Variants in ULK4 observed in about 807,000 individuals in gnomAD.
The protein encoded by ULK4 is inactive serine/threonine-protein kinase ULK4.
ULK4 carries 133 observed loss-of-function variants against 160.6 expected under a neutral mutation model. That is an observed-to-expected ratio of 0.83 (90% CI 0.72 to 0.96). The LOEUF (loss-of-function observed/expected upper bound fraction) is 0.96, where lower values mean the gene tolerates loss of function less well. ULK4 is among the 40% of genes least tolerant of loss of function. ULK4 has a pLI of 0.00. For missense variants in ULK4, 1,580 were observed against 1,499.5 expected (o/e 1.05, Z -0.89); for synonymous variants, 534 against 539.8 (o/e 0.99, Z 0.15).
At chr3:41,304,809 C>T (rs911243545) in intron 35 of ULK4, among the ~76,000 whole-genome samples, 1 of 152,226 alleles carries the variant, frequency 6.6e-6, no homozygotes, top group African/African-American at 2.4e-5. Flanking sequence ...CTCATCAACT[C>T]TTGCTTCTAT....
rs767699535 is a variant in ULK4, at chr3:41,919,707, A to T, written c.643+10T>A. The T allele has an allele frequency of 8.7e-6, 14 of 1,608,254 alleles. No homozygotes were observed. In the African/African-American group the frequency reaches 1.7e-4, roughly 20 times the overall value. On this transcript the variant is annotated intron_variant, in intron 6 of 36. Transcript: ENST00000301831. ...AGCTCTGATTTTATACCTATTCAGGAAACAATTACCTGAAAACATTTCATA... is the reference window on the plus strand; with the variant it reads ...AGCTCTGATTTTATACCTATTCAGGTAACAATTACCTGAAAACATTTCATA...
chr3:41,938,585 G>C (rs1251449271), intron 2 of ULK4, among the ~76,000 whole-genome samples: 1 of 152,158 alleles, frequency 6.6e-6, no homozygotes, highest in Non-Finnish European at 1.5e-5. Flanking sequence ...AGGAGACTAA[G>C]GCAGGAGAAT....
At chr3:41,512,227 G>A (rs564997318) in intron 32 of ULK4, among the ~76,000 whole-genome samples, 7 of 152,146 alleles carry the variant, frequency 4.6e-5, no homozygotes, top group African/African-American at 1.7e-4. Context: ...AACAAGACAA[G>A]GATCCCCACT....
At chr3:41,608,292 C>T (rs2032486329) in intron 31 of ULK4, among the ~76,000 whole-genome samples, 1 of 152,070 alleles carries the variant, frequency 6.6e-6, no homozygotes, top group Non-Finnish European at 1.5e-5. Flanking sequence ...CTTTTTCTTG[C>T]TCATCCAAAA....
At chr3:41,878,075 T>C (rs199609925) in intron 17 of ULK4, among the ~76,000 whole-genome samples, 1 of 123,138 alleles carries the variant, frequency 8.1e-6, no homozygotes, top group East Asian at 2.4e-4. Context: ...TGAAAAGCTC[T>C]ACCAGGAAAA....
At chr3:41,298,811 T>C (rs1000328760) in intron 35 of ULK4, among the ~76,000 whole-genome samples, 4 of 152,224 alleles carry the variant, frequency 2.6e-5, no homozygotes, top group African/African-American at 4.8e-5. Context: ...GGATGCACAC[T>C]GGTGTGTACT....
At chr3:41,730,803 GGCC>G in intron 22 of ULK4, among the ~76,000 whole-genome samples, 1 of 152,206 alleles carries the variant, frequency 6.6e-6, no homozygotes, top group East Asian at 1.9e-4. Context: ...GGAAATTACA[GGCC>G]AATATCCTTG....
intron 34 of ULK4, among the ~76,000 whole-genome samples, chr3:41,418,245 T>C (rs1334431969): frequency 6.6e-6 from 1 of 151,332 alleles, no homozygotes; most frequent in African/African-American, 2.4e-5. Flanking sequence ...CTACTGTTGA[T>C]TGGAGGCCTT....
chr3:41,705,375 A>G (rs1201441918), intron 25 of ULK4, 70 bp from the exon 26 acceptor site: 1 of 1,258,500 alleles, frequency 7.9e-7, no homozygotes, highest in Admixed American at 2.1e-5. Context: ...GGTAGTTTAC[A>G]TTTTGCCCAA....
intron 35 of ULK4, among the ~76,000 whole-genome samples, chr3:41,369,299 T>G (rs996767276): frequency 9.2e-5 from 14 of 151,898 alleles, no homozygotes; most frequent in Admixed American, 2.0e-4. Context: ...GTTCGAGACC[T>G]GGACTCAGCA....
chr3:41,474,656 A>G (rs2084086407), intron 32 of ULK4, among the ~76,000 whole-genome samples: 1 of 151,940 alleles, frequency 6.6e-6, no homozygotes, highest in African/African-American at 2.4e-5. Context: ...ACAACACTAC[A>G]GAAAAACATT....
chr3:41,458,024 T>C (rs968343225), intron 33 of ULK4, among the ~76,000 whole-genome samples: 1 of 152,094 alleles, frequency 6.6e-6, no homozygotes, highest in African/African-American at 2.4e-5. Context: ...GAGGGAAATT[T>C]TAAGAACGCC....
At chr3:41,880,310 A>G (rs955165818) in intron 17 of ULK4, among the ~76,000 whole-genome samples, 2 of 149,448 alleles carry the variant, frequency 1.3e-5, no homozygotes, top group Admixed American at 6.7e-5. Flanking sequence ...TCAGATGGTT[A>G]TATTTTTCAG....
chr3:41,770,641 G>C (rs1053792124), intron 21 of ULK4, among the ~76,000 whole-genome samples: 5 of 151,540 alleles, frequency 3.3e-5, no homozygotes, highest in Non-Finnish European at 5.9e-5. Flanking sequence ...CTCCCAAGTA[G>C]CTGGGACCAC....
intron 33 of ULK4, among the ~76,000 whole-genome samples, chr3:41,456,356 A>G (rs951838801): frequency 3.3e-5 from 5 of 152,078 alleles, no homozygotes; most frequent in Non-Finnish European, 7.3e-5. Flanking sequence ...CACAAATGCT[A>G]ATCTCCTCTG....
At chr3:41,841,522 T>C (rs1179299424) in intron 17 of ULK4, among the ~76,000 whole-genome samples, 1 of 150,830 alleles carries the variant, frequency 6.6e-6, no homozygotes, top group Non-Finnish European at 1.5e-5. Context: ...GAAGCACCTC[T>C]GCCCAGCCGC....
chr3:41,273,321 C>A (rs546216069), intron 35 of ULK4, among the ~76,000 whole-genome samples: 2 of 152,076 alleles, frequency 1.3e-5, no homozygotes, highest in Non-Finnish European at 2.9e-5. Context: ...TGTATTCTAC[C>A]CTATGCCCCA....
chr3:41,460,570 A>G (rs2083659543), intron 33 of ULK4, among the ~76,000 whole-genome samples: 3 of 152,308 alleles, frequency 2.0e-5, no homozygotes, highest in Non-Finnish European at 2.9e-5. Flanking sequence ...TGCTAGGCTC[A>G]TAAGTACAAA....
At chr3:41,393,917 C>T (rs559501442) in intron 35 of ULK4, among the ~76,000 whole-genome samples, 11 of 152,214 alleles carry the variant, frequency 7.2e-5, no homozygotes, top group African/African-American at 1.9e-4. Flanking sequence ...TCTACCATTT[C>T]CTAGTTGGTG....
Sources: allele counts gnomAD v4.1 joint callset (sites outside exome capture counted in the v4.1 genomes callset), GRCh38; gene constraint gnomAD v4.1.1; transcripts MANE v1.5; gene names NCBI Gene and HGNC (gene_info 2026-07-23, HGNC 2026-07-21).